ERC1: variants seen among roughly 807,000 people sequenced by gnomAD.
ERC1 encodes ELKS/RAB6-interacting/CAST family member 1, also known as RAB6 interacting protein 2.
A neutral mutation model predicts 132.0 loss-of-function variants in ERC1; 56 were observed. That is an observed-to-expected ratio of 0.42 (90% CI 0.34 to 0.53). The LOEUF is 0.53. Ranked by LOEUF, ERC1 falls within the 20% of genes least tolerant of loss-of-function variation. The pLI is 0.03. For synonymous variants in ERC1, 478 were observed against 476.1 expected, an observed-to-expected ratio of 1.00 and a Z score of -0.05; for missense variants, 1,202 against 1,349.9, an observed-to-expected ratio of 0.89 and a Z score of 1.72.
At chr12:1,460,948 T>C (rs1056944063) in intron 18 of ERC1, among the ~76,000 whole-genome samples, 1 of 136,844 alleles carries the variant, frequency 7.3e-6, no homozygotes, top group South Asian at 2.3e-4. Flanking sequence ...GCCTAAACGA[T>C]GAGGAGGCCC....
chr12:1,186,643 A>G (rs763152413), intron 11 of ERC1, among the ~76,000 whole-genome samples: 5 of 152,172 alleles, frequency 3.3e-5, no homozygotes, highest in Non-Finnish European at 5.9e-5. Flanking sequence ...CTGCATTTTT[A>G]AAGCATAGGT....
intron 3 of ERC1, among the ~76,000 whole-genome samples, chr12:1,094,556 G>A (rs1272171679): frequency 1.3e-5 from 2 of 151,724 alleles, no homozygotes; most frequent in East Asian, 3.9e-4. Context: ...GATTACAGAC[G>A]TGTGCCACCA....
chr12:1,068,435 C>T (rs1470985219), intron 2 of ERC1, among the ~76,000 whole-genome samples: 2 of 151,878 alleles, frequency 1.3e-5, no homozygotes, highest in South Asian at 2.1e-4. Flanking sequence ...CTCTTCTGGC[C>T]CTTTCTTATT....
At chr12:1,430,381 CTT>C (rs537628665) in intron 17 of ERC1, 9 of 143,222 alleles carry the variant, frequency 6.3e-5, no homozygotes, top group Non-Finnish European at 1.1e-4. Context: ...AATTTTCAGG[CTT>C]TTTTTTTTTT....
chr12:1,363,454 T>C (rs1372345284), intron 15 of ERC1, among the ~76,000 whole-genome samples: 1 of 152,192 alleles, frequency 6.6e-6, no homozygotes, highest in Non-Finnish European at 1.5e-5. Flanking sequence ...AATGTTAATT[T>C]TGATCTTTTT....
intron 15 of ERC1, among the ~76,000 whole-genome samples, chr12:1,326,264 A>G (rs2082437757): frequency 6.6e-6 from 1 of 152,174 alleles, no homozygotes; most frequent in African/African-American, 2.4e-5. Flanking sequence ...TAAAAAGGTA[A>G]GTCAGAATCT....
intron 15 of ERC1, among the ~76,000 whole-genome samples, chr12:1,304,800 T>TA (rs1210967755): frequency 2.3e-5 from 3 of 132,126 alleles, no homozygotes; most frequent in Non-Finnish European, 4.8e-5. Context: ...TTTTTTTTTT[T>TA]TTTTTTTGAG....
chr12:1,166,606 G>A (rs1333746838), intron 8 of ERC1, among the ~76,000 whole-genome samples: 1 of 152,068 alleles, frequency 6.6e-6, no homozygotes, highest in Non-Finnish European at 1.5e-5. Flanking sequence ...AAAGATGTTG[G>A]ATTTTATAAA....
intron 14 of ERC1, among the ~76,000 whole-genome samples, chr12:1,266,827 T>C (rs914543475): frequency 3.3e-5 from 5 of 152,228 alleles, no homozygotes; most frequent in African/African-American, 7.2e-5. Flanking sequence ...TTTAGGAACA[T>C]TATCTTTCTC....
Position 1,266,391 on chromosome 12 carries a change from CTTTTTTTTT to C in ERC1, c.2619+3249_2619+3257del, listed in dbSNP as rs71293128. Among the ~76,000 whole-genome samples, 176 of 43,006 alleles carry C rather than the reference CTTTTTTTTT, an allele frequency of 4.1e-3. 1 individual carries two copies. Among genetic ancestry groups the C allele is most frequent in the African/African-American group, 0.018 (162 of 9,064 alleles). The allele number at this position is 43,006 out of a possible 152,430, so 28.2% of individuals were successfully genotyped here. Reference sequence around the variant, plus strand: ...TATTATTATTTTTATCGTTTCCTGTCTTTTTTTTTTTTTTTTTTTTTTTTTTTTTTTGAG... The same window carrying C: ...TATTATTATTTTTATCGTTTCCTGTCTTTTTTTTTTTTTTTTTTTTTTGAG... On this transcript the variant is annotated intron_variant, in intron 14 of 18. Coordinates refer to ENST00000360905, the MANE Select transcript of ERC1 (RefSeq NM_178040.4).
intron 15 of ERC1, among the ~76,000 whole-genome samples, chr12:1,344,462 G>T (rs1045934042): frequency 6.6e-6 from 1 of 152,166 alleles, no homozygotes; most frequent in South Asian, 2.1e-4. Context: ...CCACATGAAG[G>T]CTTGTGCTGT....
intron 3 of ERC1, among the ~76,000 whole-genome samples, chr12:1,093,632 T>G (rs1943535163): frequency 6.6e-6 from 1 of 152,130 alleles, no homozygotes; most frequent in Admixed American, 6.5e-5. Context: ...TTTTAAAACA[T>G]TATTGCAGCC....
At chr12:1,484,120 AT>A (rs369690000) in intron 18 of ERC1, among the ~76,000 whole-genome samples, 78 of 151,652 alleles carry the variant, frequency 5.1e-4, no homozygotes, top group East Asian at 1.8e-3. Context: ...CCTGGCTAAC[AT>A]GGTGAAACCC....
chr12:1,033,770 C>G (rs1326999238), intron 2 of ERC1, among the ~76,000 whole-genome samples: 2 of 152,120 alleles, frequency 1.3e-5, no homozygotes, highest in African/African-American at 4.8e-5. Flanking sequence ...GCTGGGATTT[C>G]AGGCATGTGC....
chr12:1,405,822 G>C (rs547939613), intron 16 of ERC1, among the ~76,000 whole-genome samples: 2 of 152,070 alleles, frequency 1.3e-5, no homozygotes, highest in Non-Finnish European at 2.9e-5. Flanking sequence ...AAGCCAAGAC[G>C]GGGGGATCAC....
intron 18 of ERC1, among the ~76,000 whole-genome samples, chr12:1,471,435 AT>A (rs1458377692): frequency 2.6e-5 from 4 of 152,274 alleles, no homozygotes; most frequent in African/African-American, 9.6e-5. Flanking sequence ...AAATTAAGAT[AT>A]GAGTATGTTG....
intron 18 of ERC1, among the ~76,000 whole-genome samples, chr12:1,452,129 C>T (rs963451178): frequency 1.3e-5 from 2 of 152,158 alleles, no homozygotes; most frequent in Non-Finnish European, 2.9e-5. Flanking sequence ...TATGGCAGCC[C>T]TAGAAAACTG....
intron 14 of ERC1, among the ~76,000 whole-genome samples, chr12:1,268,257 T>A (rs1017418600): frequency 4.6e-5 from 7 of 152,256 alleles, no homozygotes; most frequent in African/African-American, 1.7e-4. Context: ...CTGGTCTGAA[T>A]ATTAAGTTAT....
intron 13 of ERC1, among the ~76,000 whole-genome samples, chr12:1,258,490 A>T (rs184128928): frequency 1.3e-5 from 2 of 152,290 alleles, no homozygotes; most frequent in East Asian, 3.9e-4. Context: ...TACTTCATCG[A>T]TGTGGTCCTC....
Sources: gnomAD v4.1 joint callset for allele counts (sites outside exome capture counted in the v4.1 genomes callset) on GRCh38, gnomAD v4.1.1 for gene constraint, MANE v1.5 for transcripts, NCBI Gene and HGNC (gene_info 2026-07-23, HGNC 2026-07-21) for gene names.